Variants in SYT14 observed in about 807,000 individuals in gnomAD.
The protein encoded by SYT14 is synaptotagmin 14.
Under a neutral mutation model 74.2 loss-of-function variants are expected in SYT14, and 32 were observed. The observed-to-expected ratio is 0.43, with a 90% CI of 0.33 to 0.58. The LOEUF is 0.58. Among genes scored for constraint, SYT14 ranks in the 20% least tolerant of loss-of-function variants. The pLI is 0.05. For missense variants in SYT14, 791 were observed against 981.8 expected, an observed-to-expected ratio of 0.81 and a Z score of 2.60; for synonymous variants, 298 against 337.7, an observed-to-expected ratio of 0.88 and a Z score of 1.29.
intron 2 of SYT14, among the ~76,000 whole-genome samples, chr1:209,981,193 G>C (rs141087186): frequency 6.6e-6 from 1 of 151,962 alleles, no homozygotes; most frequent in African/African-American, 2.4e-5. Flanking sequence ...AGTTTTTATT[G>C]TGTGGAAGCT....
intron 1 of SYT14, among the ~76,000 whole-genome samples, chr1:209,952,503 C>A (rs1285933358): frequency 6.6e-6 from 1 of 152,046 alleles, no homozygotes; most frequent in Admixed American, 6.6e-5. Flanking sequence ...TGTCTTCATT[C>A]CGAGACTTCC....
intron 2 of SYT14, among the ~76,000 whole-genome samples, chr1:209,963,492 T>G (rs958781327): frequency 6.6e-6 from 1 of 152,214 alleles, no homozygotes; most frequent in Non-Finnish European, 1.5e-5. Context: ...TAATTTTGGC[T>G]TATGTATTTG....
chr1:210,080,540 G>A (rs1297476299), intron 5 of SYT14, among the ~76,000 whole-genome samples: 1 of 152,128 alleles, frequency 6.6e-6, no homozygotes, highest in African/African-American at 2.4e-5. Context: ...TCACTGCCCT[G>A]CCAGTCATGG....
intron 2 of SYT14, among the ~76,000 whole-genome samples, chr1:210,004,277 T>A (rs563315938): frequency 6.6e-6 from 1 of 152,076 alleles, no homozygotes; most frequent in East Asian, 1.9e-4. Context: ...TGTATCTTTC[T>A]TTCTTTCAGA....
chr1:209,983,248 G>T (rs1004463989), intron 2 of SYT14, among the ~76,000 whole-genome samples: 1 of 151,730 alleles, frequency 6.6e-6, no homozygotes, highest in Non-Finnish European at 1.5e-5. Context: ...TGTGCCTTTG[G>T]TGTTATATTT....
intron 1 of SYT14, among the ~76,000 whole-genome samples, chr1:209,945,810 G>T (rs1025841869): frequency 6.6e-6 from 1 of 152,144 alleles, no homozygotes; most frequent in African/African-American, 2.4e-5. Context: ...CCATTTTTGT[G>T]TACAGGCATA....
chr1:210,042,017 A>G (rs1304505275), intron 5 of SYT14, among the ~76,000 whole-genome samples: 1 of 151,916 alleles, frequency 6.6e-6, no homozygotes, highest in African/African-American at 2.4e-5. Flanking sequence ...AGGAATGAGG[A>G]GCCTGGGTTT....
exon 10 of SYT14, chr1:210,161,418 A>G (rs1363145949): frequency 2.2e-6 from 1 of 452,736 alleles, no homozygotes; most frequent in South Asian, 1.6e-5. Context: ...CAATTTTAAT[A>G]TCACCCTACA....
At chr1:210,019,285 C>T (rs937656083) in intron 4 of SYT14, among the ~76,000 whole-genome samples, 1 of 152,130 alleles carries the variant, frequency 6.6e-6, no homozygotes, top group Admixed American at 6.5e-5. Flanking sequence ...TTAAGATCCC[C>T]ACCATGGTAT....
intron 2 of SYT14, chr1:209,952,964 A>G (rs781767748): frequency 3.3e-5 from 42 of 1,279,864 alleles, no homozygotes; most frequent in Admixed American, 1.3e-4. Context: ...TTTAGTTTTG[A>G]TGGGCTAATA....
intron 7 of SYT14, among the ~76,000 whole-genome samples, chr1:210,142,103 T>C (rs1201153487): frequency 1.3e-5 from 2 of 152,180 alleles, no homozygotes; most frequent in Admixed American, 1.3e-4. Flanking sequence ...GAATGGAACT[T>C]TTCACAGAAC....
At chr1:209,997,417 A>C (rs1455498248) in intron 2 of SYT14, among the ~76,000 whole-genome samples, 1 of 152,144 alleles carries the variant, frequency 6.6e-6, no homozygotes, top group Admixed American at 6.5e-5. Flanking sequence ...CTAACCAAGG[A>C]GGTGAAAGAT....
At chr1:210,161,548 A>T in exon 10 of SYT14, 1 of 454,038 alleles carries the variant, frequency 2.2e-6, no homozygotes, top group Non-Finnish European at 4.4e-6. Flanking sequence ...GGTTTCAGTC[A>T]CATTGAAAAT....
At chr1:210,157,937 CAGA>C (rs1334642522) in intron 8 of SYT14, among the ~76,000 whole-genome samples, 2 of 152,074 alleles carry the variant, frequency 1.3e-5, no homozygotes, top group African/African-American at 4.8e-5. Context: ...ACATGTATCA[CAGA>C]AGGTGTCTAT....
chr1:210,017,060 A>G (rs2080199423), exon 4 of SYT14: 1 of 1,231,788 alleles, frequency 8.1e-7, no homozygotes, highest in African/African-American at 1.5e-5. Context: ...AACAGCAAAG[A>G]GTAAAGATGA....
chr1:210,158,545 TAGAAAC>T (rs1268427323), intron 8 of SYT14, among the ~76,000 whole-genome samples: 3 of 152,164 alleles, frequency 2.0e-5, no homozygotes, highest in Non-Finnish European at 4.4e-5. Flanking sequence ...GTCACTCTGA[TAGAAAC>T]AGAGCAACAA....
chr1:210,128,043 G>C (rs1174832330), intron 7 of SYT14, among the ~76,000 whole-genome samples: 2 of 151,636 alleles, frequency 1.3e-5, no homozygotes, highest in East Asian at 3.9e-4. Context: ...AAATAAAATA[G>C]GATGATTAGA....
chr1:210,104,567 T>C (rs1005149197), intron 7 of SYT14, among the ~76,000 whole-genome samples: 1 of 152,218 alleles, frequency 6.6e-6, no homozygotes, highest in African/African-American at 2.4e-5. Flanking sequence ...TGGCACTCTT[T>C]CTTAGTATTT....
chr1:210,132,567 TTGTGTGTG>T (rs3031264), intron 7 of SYT14, among the ~76,000 whole-genome samples: 184 of 145,082 alleles, frequency 1.3e-3, no homozygotes, highest in African/African-American at 4.3e-3. Context: ...ATTTTATATA[TTGTGTGTG>T]TGTGTGTGTG....
Sources: gnomAD v4.1 joint callset for allele counts (sites outside exome capture counted in the v4.1 genomes callset) on GRCh38, gnomAD v4.1.1 for gene constraint, MANE v1.5 for transcripts, NCBI Gene and HGNC (gene_info 2026-07-23, HGNC 2026-07-21) for gene names.